IPPK: variants seen among roughly 807,000 people sequenced by gnomAD.
The protein encoded by IPPK is IPK1 homolog.
In IPPK, 22 loss-of-function variants were observed where a neutral mutation model predicts 64.6. The observed-to-expected ratio is 0.34, with a 90% CI of 0.24 to 0.49. The LOEUF (loss-of-function observed/expected upper bound fraction) is 0.49, where lower values mean the gene tolerates loss of function less well. Ranked by LOEUF, IPPK falls within the 20% of genes least tolerant of loss-of-function variation. IPPK has a pLI of 0.99. For synonymous variants in IPPK, 262 were observed against 247.2 expected (o/e 1.06, Z -0.56); for missense variants, 532 against 630.7 (o/e 0.84, Z 1.68).
At chr9:92,660,531 C>G (rs951786628) in intron 1 of IPPK, among the ~76,000 whole-genome samples, 3 of 152,240 alleles carry the variant, frequency 2.0e-5, no homozygotes, top group African/African-American at 7.2e-5. Context: ...ATAAGCTGCA[C>G]AATGGACTTT....
At chr9:92,627,724 A>G (rs1851759004) in intron 11 of IPPK, among the ~76,000 whole-genome samples, 1 of 152,216 alleles carries the variant, frequency 6.6e-6, no homozygotes, top group South Asian at 2.1e-4. Flanking sequence ...AGGAATCTAC[A>G]AAAAACAACT....
Position 92,669,925 on chromosome 9 carries a change from C to A in IPPK, c.64G>T (p.Val22Leu), listed in dbSNP as rs1852693291. The A allele has an allele frequency of 1.9e-6, 3 of 1,612,632 alleles. No individual in the cohort carries two copies. The highest frequency in any genetic ancestry group is 1.1e-5 in the South Asian group (1 of 90,988). The change falls in exon 1 of 13, where the codon GTG becomes TTG. Residue 22 changes from valine to leucine, a missense_variant. By Grantham distance (32) the Val-to-Leu change is conservative. Transcript: ENST00000287996. ...GYHGEGNKSL[V>L]VAHAQRCVVL... The stretch of plus-strand genomic sequence containing the variant: ...CCGCTCACCTGCGCGTGGGCCACCA[C>A]CAGGCTCTTATTGCCCTCTCCGTGG...
intron 11 of IPPK, among the ~76,000 whole-genome samples, chr9:92,625,322 G>C (rs901969807): frequency 6.6e-6 from 1 of 152,068 alleles, no homozygotes; most frequent in African/African-American, 2.4e-5. Flanking sequence ...AATCTTTTGG[G>C]GAGGACAATG....
intron 7 of IPPK, 80 bp downstream of exon 7, chr9:92,642,672 C>G: frequency 1.6e-6 from 2 of 1,217,634 alleles, no homozygotes; most frequent in Non-Finnish European, 2.4e-6. Flanking sequence ...CACGAAATAC[C>G]CCCCACCAGG....
chr9:92,637,823 G>C (rs1851969845), intron 9 of IPPK, among the ~76,000 whole-genome samples, 178 bp downstream of exon 9: 1 of 152,230 alleles, frequency 6.6e-6, no homozygotes, highest in Admixed American at 6.5e-5. Flanking sequence ...GCAAGAAAGG[G>C]AGTCTGCATC....
intron 5 of IPPK, among the ~76,000 whole-genome samples, chr9:92,648,508 T>A (rs1219989845): frequency 6.6e-6 from 1 of 152,174 alleles, no homozygotes; most frequent in African/African-American, 2.4e-5. Flanking sequence ...TCGGAACCAT[T>A]GTTCCCACTG....
At chr9:92,669,481 C>T (rs1001879935) in intron 1 of IPPK, among the ~76,000 whole-genome samples, 1 of 152,228 alleles carries the variant, frequency 6.6e-6, no homozygotes. Flanking sequence ...TCTGCTTCTT[C>T]CTCCAGTGCT....
At chr9:92,624,790 C>T (rs1219305994) in intron 11 of IPPK, among the ~76,000 whole-genome samples, 1 of 152,086 alleles carries the variant, frequency 6.6e-6, no homozygotes, top group Admixed American at 6.5e-5. Flanking sequence ...AAAGGACTTA[C>T]TATATATCCA....
chr9:92,645,345 T>G (rs1852130485), intron 6 of IPPK, among the ~76,000 whole-genome samples: 1 of 151,876 alleles, frequency 6.6e-6, no homozygotes, highest in South Asian at 2.1e-4. Flanking sequence ...TGAGTCATGT[T>G]CACGCCACTG....
chr9:92,616,089 C>G (rs756860205), intron 12 of IPPK, 32 bp from the exon 13 acceptor site: 6 of 1,463,842 alleles, frequency 4.1e-6, no homozygotes, highest in African/African-American at 1.4e-5. Flanking sequence ...TCAGGATACA[C>G]AAGCCCCCCA....
At position 92,614,973 on chromosome 9, in the gene IPPK, C is replaced by T. The variant is rs1291207376; in HGVS notation, c.*859G>A. ...CTTGGTCTGGGAGGAAGAGAGAACTCGCTCCTCAACCACCCCAGACACTGG... is the reference window on the plus strand; with the variant it reads ...CTTGGTCTGGGAGGAAGAGAGAACTTGCTCCTCAACCACCCCAGACACTGG... On this transcript the variant is annotated 3_prime_UTR_variant, in exon 13 of 13. Transcript: ENST00000287996. The T allele has an allele frequency of 6.6e-6, 1 of 152,262 alleles. No individual in the cohort carries two copies. The highest frequency in any genetic ancestry group is 1.5e-5 in the Non-Finnish European group (1 of 68,068). The allele number at this position is 152,262 out of a possible 1,614,324, so 9.4% of individuals were successfully genotyped here.
chr9:92,648,547 A>C (rs903979871), intron 5 of IPPK, among the ~76,000 whole-genome samples: 1 of 152,194 alleles, frequency 6.6e-6, no homozygotes, highest in Non-Finnish European at 1.5e-5. Context: ...ACAGAGGCCC[A>C]TCTGATAGTT....
intron 1 of IPPK, among the ~76,000 whole-genome samples, chr9:92,660,869 G>A (rs2131462149): frequency 6.6e-6 from 1 of 152,270 alleles, no homozygotes; most frequent in South Asian, 2.1e-4. Context: ...AATTCAGAAA[G>A]CCATTATCTG....
intron 1 of IPPK, among the ~76,000 whole-genome samples, chr9:92,669,183 G>GT (rs948305625): frequency 1.7e-4 from 26 of 149,642 alleles, no homozygotes; most frequent in Non-Finnish European, 3.1e-4. Context: ...CCCCTCCCCC[G>GT]TTCCAGCCGG....
chr9:92,619,465 G>T (rs1199502713), intron 12 of IPPK, 21 bp downstream of exon 12: 1 of 1,561,964 alleles, frequency 6.4e-7, no homozygotes, highest in Admixed American at 1.9e-5. Flanking sequence ...CAGGCTGCAT[G>T]CCTTGCAGTG....
chr9:92,657,804 C>T (rs1223201859), intron 2 of IPPK, among the ~76,000 whole-genome samples: 5 of 152,082 alleles, frequency 3.3e-5, no homozygotes, highest in Non-Finnish European at 7.4e-5. Context: ...ACTGTGCCCA[C>T]GCGGCAGCTG....
At chr9:92,652,397 C>T (rs1194279690) in intron 4 of IPPK, among the ~76,000 whole-genome samples, 176 bp downstream of exon 4, 1 of 145,540 alleles carries the variant, frequency 6.9e-6, no homozygotes, top group Non-Finnish European at 1.5e-5. Context: ...TGCAGTGAGC[C>T]GAGATCGCAC....
At chr9:92,641,846 A>G (rs905337500) in intron 7 of IPPK, among the ~76,000 whole-genome samples, 10 of 152,220 alleles carry the variant, frequency 6.6e-5, no homozygotes, top group African/African-American at 2.4e-4. Flanking sequence ...AAACTCACAC[A>G]GTGGAGCGAG....
At chr9:92,656,402 C>T in intron 3 of IPPK, 54 bp downstream of exon 3, 1 of 1,095,918 alleles carries the variant, frequency 9.1e-7, no homozygotes, top group Non-Finnish European at 1.4e-6. Context: ...GGGAAATTGG[C>T]AGTGTTGATG....
Sources: gnomAD v4.1 joint callset for allele counts (sites outside exome capture counted in the v4.1 genomes callset) on GRCh38, gnomAD v4.1.1 for gene constraint, MANE v1.5 for transcripts, NCBI Gene and HGNC (gene_info 2026-07-23, HGNC 2026-07-21) for gene names.